ELOVL2: variants seen among roughly 807,000 people sequenced by gnomAD.
ELOVL2 encodes ELOVL fatty acid elongase 2, also known as very long chain fatty acid elongase 2.
ELOVL2 carries 38 observed loss-of-function variants against 37.7 expected under a neutral mutation model. The observed-to-expected ratio is 1.01, with a 90% CI of 0.78 to 1.32. ELOVL2 has a LOEUF of 1.32. Ranked by LOEUF, ELOVL2 falls within the 40% of genes most tolerant of loss-of-function variation. ELOVL2 has a pLI of 0.00. For synonymous variants in ELOVL2, 115 were observed against 122.3 expected, an observed-to-expected ratio of 0.94 and a Z score of 0.40; for missense variants, 352 against 363.6, an observed-to-expected ratio of 0.97 and a Z score of 0.26.
chr6:10,998,364 GAGA>G (rs1330043052), intron 4 of ELOVL2, among the ~76,000 whole-genome samples: 3 of 152,196 alleles, frequency 2.0e-5, no homozygotes, highest in East Asian at 3.9e-4. Flanking sequence ...CTTTTCTCTA[GAGA>G]AGAACTTTCC....
chr6:10,989,955 CA>C, intron 6 of ELOVL2, 118 bp from the exon 7 acceptor site: 15 of 1,187,564 alleles, frequency 1.3e-5, no homozygotes, highest in African/African-American at 1.5e-5. Flanking sequence ...TATGTAGGAA[CA>C]AAACAAAGCT....
chr6:11,011,413 C>T (rs904733568), intron 1 of ELOVL2, among the ~76,000 whole-genome samples: 3 of 151,762 alleles, frequency 2.0e-5, no homozygotes, highest in Non-Finnish European at 2.9e-5. Flanking sequence ...GACCTAAATT[C>T]CATTTACCTC....
intron 1 of ELOVL2, among the ~76,000 whole-genome samples, chr6:11,028,335 A>C (rs1247204706): frequency 6.6e-6 from 1 of 152,206 alleles, no homozygotes; most frequent in Non-Finnish European, 1.5e-5. Context: ...CTTGACTTAC[A>C]TCCTGTTAAT....
In ELOVL2 at chr6:11,034,852, A is replaced by C. The variant is rs1581882652; in HGVS notation, c.3+9376T>G. ...ACCCAGTCTCTACCAAAAATACAAA[A>C]ATTAGCCAAGCGTGGTGGCATGCGC... On this transcript the variant is annotated intron_variant, in intron 1 of 7. Transcript: ENST00000354666. Among the ~76,000 whole-genome samples, 3 of 150,604 alleles carry C rather than the reference A, an allele frequency of 2.0e-5. No homozygotes were observed. In the East Asian group the frequency reaches 6.0e-4, roughly 30 times the overall value.
At chr6:11,002,738 G>A (rs190010949) in intron 3 of ELOVL2, among the ~76,000 whole-genome samples, 62 of 152,326 alleles carry the variant, frequency 4.1e-4, no homozygotes, top group Non-Finnish European at 6.9e-4. Flanking sequence ...TGTTCAACTA[G>A]CACTTTACAA....
intron 1 of ELOVL2, among the ~76,000 whole-genome samples, chr6:11,033,687 T>C (rs1222049421): frequency 6.6e-6 from 1 of 152,198 alleles, no homozygotes; most frequent in African/African-American, 2.4e-5. Context: ...TTTTCACTGA[T>C]TAATAAAACT....
intron 1 of ELOVL2, among the ~76,000 whole-genome samples, chr6:11,038,501 T>A (rs895060564): frequency 2.0e-5 from 3 of 151,692 alleles, no homozygotes; most frequent in African/African-American, 4.8e-5. Context: ...AATAAATAAA[T>A]AAAAATAAAA....
chr6:11,004,143 G>A (rs1581867735), intron 3 of ELOVL2, among the ~76,000 whole-genome samples: 1 of 148,760 alleles, frequency 6.7e-6, no homozygotes, highest in East Asian at 1.9e-4. Flanking sequence ...CTCCTATACT[G>A]ACTGATGCCT....
chr6:10,990,486 CTG>C (rs1365073415), intron 5 of ELOVL2, 44 bp from the exon 6 acceptor site: 1 of 1,521,872 alleles, frequency 6.6e-7, no homozygotes, highest in East Asian at 2.4e-5. Flanking sequence ...CCAGGAAGGA[CTG>C]TTCATTCTTC....
Position 10,983,659 on chromosome 6 carries a change from A to G in ELOVL2, c.*122T>C. 9.1e-7 allele frequency: 1 copy of G among 1,098,524 alleles called. No homozygotes were observed. 68.0% of individuals were successfully genotyped at this position (1,098,524 alleles called of 1,614,324 possible). A position where few individuals can be genotyped will look rare whatever the true frequency, so the allele number is the denominator to read the frequency against. On this transcript the variant is annotated 3_prime_UTR_variant, in exon 8 of 8. Transcript: ENST00000354666. ...CAATATATTAATACATTCTGGGTAC[A>G]AATGATTTATGAACTCAAAAGAAAT...
chr6:11,036,501 G>T (rs1238257113), intron 1 of ELOVL2, among the ~76,000 whole-genome samples: 1 of 152,202 alleles, frequency 6.6e-6, no homozygotes, highest in Non-Finnish European at 1.5e-5. Flanking sequence ...TCTGGAGATT[G>T]AGATGTGAAA....
chr6:11,043,348 AC>A (rs968126129), intron 1 of ELOVL2, among the ~76,000 whole-genome samples: 1 of 151,586 alleles, frequency 6.6e-6, no homozygotes, highest in African/African-American at 2.4e-5. Context: ...TCCCTTTGTA[AC>A]CAAAGAACCA....
chr6:11,022,452 C>A (rs1163417339), intron 1 of ELOVL2, among the ~76,000 whole-genome samples: 1 of 152,170 alleles, frequency 6.6e-6, no homozygotes, highest in Non-Finnish European at 1.5e-5. Flanking sequence ...AAAGACAGAC[C>A]AGAATCACTC....
chr6:11,023,023 T>C (rs1782788414), intron 1 of ELOVL2, among the ~76,000 whole-genome samples: 1 of 152,264 alleles, frequency 6.6e-6, no homozygotes, highest in Non-Finnish European at 1.5e-5. Flanking sequence ...GAAATAAAAT[T>C]ATTCAGTGAT....
chr6:10,999,377 A>C (rs1782332227), intron 4 of ELOVL2, among the ~76,000 whole-genome samples: 1 of 129,376 alleles, frequency 7.7e-6, no homozygotes, highest in Admixed American at 9.0e-5. Flanking sequence ...CTCAAAGGAA[A>C]TGCTTTTTTT....
At chr6:11,001,655 A>G (rs1412631940) in intron 3 of ELOVL2, among the ~76,000 whole-genome samples, 1 of 152,152 alleles carries the variant, frequency 6.6e-6, no homozygotes, top group Non-Finnish European at 1.5e-5. Flanking sequence ...CTGTTTCCCC[A>G]TGTTTCCTGC....
intron 1 of ELOVL2, among the ~76,000 whole-genome samples, chr6:11,032,799 TAAAC>T (rs1427663993): frequency 6.6e-6 from 1 of 152,082 alleles, no homozygotes; most frequent in Admixed American, 6.6e-5. Flanking sequence ...AATACACAAG[TAAAC>T]AAAGATAAAC....
chr6:10,984,423 A>G (rs1440843559), intron 7 of ELOVL2, among the ~76,000 whole-genome samples: 1 of 151,610 alleles, frequency 6.6e-6, no homozygotes, highest in African/African-American at 2.4e-5. Context: ...GGTTAGTTAC[A>G]TATGTATACA....
At chr6:10,999,939 A>T (rs745801088) in intron 4 of ELOVL2, 148 bp downstream of exon 4, 1 of 698,688 alleles carries the variant, frequency 1.4e-6, no homozygotes, top group Non-Finnish European at 2.4e-6. Context: ...ATAGTTGGAA[A>T]TCATCTTTGT....
Sources: gnomAD v4.1 joint callset for allele counts (sites outside exome capture counted in the v4.1 genomes callset) on GRCh38, gnomAD v4.1.1 for gene constraint, MANE v1.5 for transcripts, NCBI Gene and HGNC (gene_info 2026-07-23, HGNC 2026-07-21) for gene names.